IFT88: variants seen among roughly 807,000 people sequenced by gnomAD.
IFT88 encodes intraflagellar transport protein 88 homolog.
IFT88 carries 74 observed loss-of-function variants against 119.5 expected under a neutral mutation model. The observed-to-expected ratio is 0.62, with a 90% CI of 0.51 to 0.75. The LOEUF is 0.75. Ranked by LOEUF, IFT88 falls within the 30% of genes least tolerant of loss-of-function variation. IFT88 has a pLI of 0.00. For missense variants in IFT88, 961 were observed against 977.7 expected, an observed-to-expected ratio of 0.98 and a Z score of 0.23; for synonymous variants, 279 against 316.7, an observed-to-expected ratio of 0.88 and a Z score of 1.26.
chr13:20,675,273 G>A (rs956051651), intron 24 of IFT88, among the ~76,000 whole-genome samples: 4 of 152,048 alleles, frequency 2.6e-5, no homozygotes, highest in African/African-American at 7.2e-5. Context: ...GCCGGGGGGC[G>A]GGTGCTGTCA....
At chr13:20,690,591 C>T in intron 24 of IFT88, 114 bp from the exon 25 acceptor site, 1 of 664,812 alleles carries the variant, frequency 1.5e-6, no homozygotes, top group South Asian at 1.9e-5. Flanking sequence ...AGCTGGCTTC[C>T]AAATTAAACA....
Position 20,598,636 on chromosome 13 carries a change from T to C in IFT88, c.595-15T>C. ...GTGGTCTTATGTGTCTTTTCTATAA[T>C]ATTTTCTTCCTTAGGTTCTTTTCAA... On this transcript the variant is annotated splice_polypyrimidine_tract_variant and intron_variant, in intron 9 of 25. Coordinates refer to ENST00000351808, the MANE Select transcript of IFT88 (RefSeq NM_006531.5). 1 of 1,547,544 alleles carries C rather than the reference T, an allele frequency of 6.5e-7. No homozygotes were observed. Among genetic ancestry groups the C allele is most frequent in the Non-Finnish European group, 8.9e-7 (1 of 1,121,284 alleles).
intron 24 of IFT88, among the ~76,000 whole-genome samples, chr13:20,680,076 C>A (rs1160906920): frequency 6.6e-6 from 1 of 152,168 alleles, no homozygotes; most frequent in Non-Finnish European, 1.5e-5. Context: ...CAAGCAAATA[C>A]CTTCATTTTT....
intron 23 of IFT88, 52 bp downstream of exon 23, chr13:20,663,656 C>T: frequency 2.4e-6 from 3 of 1,260,834 alleles, no homozygotes; most frequent in Non-Finnish European, 3.4e-6. Flanking sequence ...GAATGTCAGC[C>T]TTCTATAGCT....
intron 21 of IFT88, among the ~76,000 whole-genome samples, chr13:20,654,905 A>G (rs982677181): frequency 1.3e-5 from 2 of 152,170 alleles, no homozygotes; most frequent in African/African-American, 4.8e-5. Flanking sequence ...TGCTTCAGTT[A>G]TGGAAGTACA....
rs192111890 is a variant in IFT88 at position 20,661,772 on chromosome 13, A to C, written c.2069-1726A>C. 8.0e-4 allele frequency among the ~76,000 whole-genome samples: 122 copies of C among 152,124 alleles called. 1 individual carries two copies. Among genetic ancestry groups the C allele is most frequent in the African/African-American group, 2.9e-3 (120 of 41,528 alleles). On this transcript the variant is annotated intron_variant, in intron 22 of 25. Coordinates refer to ENST00000351808, the MANE Select transcript of IFT88 (RefSeq NM_006531.5). ...AAATTATAAATGTACAAGAACAAAG[A>C]GATAATTAAATTTTAGGAATGTTTT...
chr13:20,592,527 T>G (rs1056617303), intron 7 of IFT88, 123 bp downstream of exon 7: 8 of 644,470 alleles, frequency 1.2e-5, no homozygotes, highest in Admixed American at 3.2e-5. Context: ...TGGAGTGCAG[T>G]GATGCGATCT....
At chr13:20,586,156 G>C (rs2039628299) in intron 3 of IFT88, among the ~76,000 whole-genome samples, 1 of 152,190 alleles carries the variant, frequency 6.6e-6, no homozygotes. Context: ...GCCTAGAAAA[G>C]CCAAGGTCTC....
At chr13:20,615,341 GTACATA>G (rs1396168605) in intron 13 of IFT88, among the ~76,000 whole-genome samples, 2 of 152,218 alleles carry the variant, frequency 1.3e-5, no homozygotes, top group South Asian at 2.1e-4. Flanking sequence ...GTACGTACGT[GTACATA>G]TACATATACA....
At chr13:20,616,102 A>G (rs559897863) in intron 14 of IFT88, among the ~76,000 whole-genome samples, 1 of 152,332 alleles carries the variant, frequency 6.6e-6, no homozygotes, top group South Asian at 2.1e-4. Context: ...TATATAACAC[A>G]TTTCAGTCAA....
chr13:20,583,557 A>G (rs959327652), intron 3 of IFT88, among the ~76,000 whole-genome samples: 1 of 152,184 alleles, frequency 6.6e-6, no homozygotes, highest in South Asian at 2.1e-4. Flanking sequence ...CTGATTTGCA[A>G]ATATTTTCTT....
At chr13:20,601,636 T>G in intron 11 of IFT88, 69 bp from the exon 12 acceptor site, 1 of 987,496 alleles carries the variant, frequency 1.0e-6, no homozygotes. Context: ...GAAAACTATT[T>G]GTGAATGGTT....
chr13:20,583,802 A>G (rs559203107), intron 3 of IFT88, among the ~76,000 whole-genome samples: 5 of 152,218 alleles, frequency 3.3e-5, no homozygotes, highest in Admixed American at 1.3e-4. Flanking sequence ...GTTCATTTTT[A>G]TATATGGTAT....
chr13:20,649,345 CAG>C (rs956860829), intron 20 of IFT88, among the ~76,000 whole-genome samples: 1 of 152,042 alleles, frequency 6.6e-6, no homozygotes, highest in Admixed American at 6.5e-5. Flanking sequence ...AAATTAATAA[CAG>C]AAGGAAAACT....
rs1233328651 is a variant in IFT88 at position 20,663,273 on chromosome 13, C to T, written c.2069-225C>T. ...CCATGTTCCTTCTAGGTTCTGGCAGCGTGAGGACAGGACACATGGAGAGAG... is the reference window on the plus strand; with the variant it reads ...CCATGTTCCTTCTAGGTTCTGGCAGTGTGAGGACAGGACACATGGAGAGAG... On this transcript the variant is annotated intron_variant, in intron 22 of 25. Coordinates refer to ENST00000351808, the MANE Select transcript of IFT88 (RefSeq NM_006531.5). 2.7e-6 allele frequency: 4 copies of T among 1,466,942 alleles called. No homozygotes were observed. The Admixed American group carries it at 6.1e-5, about 23-fold the overall frequency. 90.9% of individuals were successfully genotyped at this position (1,466,942 alleles called of 1,614,324 possible). A position where few individuals can be genotyped will look rare whatever the true frequency, so the allele number is the denominator to read the frequency against.
rs569775025 is a variant in IFT88, at chr13:20,615,759, C to A, written c.1113-34C>A. On this transcript the variant is annotated intron_variant, in intron 13 of 25. Coordinates refer to ENST00000351808, the MANE Select transcript of IFT88 (RefSeq NM_006531.5). Reference sequence around the variant, plus strand: ...AAATCCAAACTATTTTATACTGTATCTCTAAATACAACTTTTTGGTTTATT... The same window carrying A: ...AAATCCAAACTATTTTATACTGTATATCTAAATACAACTTTTTGGTTTATT... The A allele has an allele frequency of 4.9e-5, 63 of 1,274,926 alleles. No homozygotes were observed. In the East Asian group the frequency reaches 1.4e-3, roughly 28 times the overall value. The allele number at this position is 1,274,926 out of a possible 1,614,324, so 79.0% of individuals were successfully genotyped here.
In IFT88 at chr13:20,592,449, T is replaced by G. The variant is rs777994684; in HGVS notation, c.398+45T>G. The G allele has an allele frequency of 2.8e-6, 4 of 1,434,714 alleles. No homozygotes were observed. In the East Asian group the frequency reaches 9.2e-5, roughly 33 times the overall value. The allele number at this position is 1,434,714 out of a possible 1,614,324, so 88.9% of individuals were successfully genotyped here. Reference sequence around the variant, plus strand: ...GTTGTTTGTTGTTGTTGCTGCATATTTTAAATTTTTATTTTCCAAATACAC... The same window carrying G: ...GTTGTTTGTTGTTGTTGCTGCATATGTTAAATTTTTATTTTCCAAATACAC... On this transcript the variant is annotated intron_variant, in intron 7 of 25. Coordinates refer to ENST00000351808, the MANE Select transcript of IFT88 (RefSeq NM_006531.5).
intron 2 of IFT88, among the ~76,000 whole-genome samples, chr13:20,580,844 G>T (rs1243953626): frequency 3.3e-5 from 5 of 150,134 alleles, no homozygotes; most frequent in East Asian, 4.0e-4. Flanking sequence ...TCCTGCCTCA[G>T]CCTCCTGAGT....
rs1019932496 is a variant in IFT88, at chr13:20,633,154, T to C, written c.1386+2052T>C. 2.0e-5 allele frequency among the ~76,000 whole-genome samples: 3 copies of C among 152,116 alleles called. No individual in the cohort carries two copies. The East Asian group carries it at 5.8e-4, about 29-fold the overall frequency. On this transcript the variant is annotated intron_variant, in intron 16 of 25. Transcript: ENST00000351808. ...ATGATGGAAGCAAGTAGACAGAAGG[T>C]GTATTAGTCCGTTCTCACACTGCTA...
Sources: gnomAD v4.1 joint callset for allele counts (sites outside exome capture counted in the v4.1 genomes callset) on GRCh38, gnomAD v4.1.1 for gene constraint, MANE v1.5 for transcripts, NCBI Gene and HGNC (gene_info 2026-07-23, HGNC 2026-07-21) for gene names.